The following MARK4 variants were observed in gnomAD, a reference collection of about 807,000 sequenced individuals.
MARK4 encodes the protein microtubule affinity regulating kinase 4.
MARK4 carries 19 observed loss-of-function variants against 81.5 expected under a neutral mutation model. The observed-to-expected ratio is 0.23, with a 90% confidence interval of 0.16 to 0.34. The LOEUF is 0.34. MARK4 is among the 10% of genes least tolerant of loss of function. The probability of loss-of-function intolerance (pLI) is 1.00; values close to 1 mark genes in which losing one functional copy is unlikely to be tolerated. For missense variants in MARK4, 772 were observed against 1,058.8 expected (o/e 0.73, Z 3.76); for synonymous variants, 436 against 439.0 (o/e 0.99, Z 0.08).
At chr19:45,287,775 T>G (rs1320968352) in intron 13 of MARK4, 111 bp downstream of exon 13, 1 of 1,208,422 alleles carries the variant, frequency 8.3e-7, no homozygotes, top group Non-Finnish European at 1.2e-6. Flanking sequence ...CAACTCCTTC[T>G]TCTACCCATT....
chr19:45,259,400 C>T (rs545701085), intron 2 of MARK4, among the ~76,000 whole-genome samples: 8 of 152,226 alleles, frequency 5.3e-5, no homozygotes, highest in South Asian at 2.1e-4. Context: ...CTGAAATTGC[C>T]GGGAAATCTC....
At chr19:45,274,506 C>A (rs1970573814) in intron 8 of MARK4, among the ~76,000 whole-genome samples, 1 of 152,074 alleles carries the variant, frequency 6.6e-6, no homozygotes, top group Non-Finnish European at 1.5e-5. Context: ...TGGCATGCGC[C>A]TGTAATCCCT....
chr19:45,302,691 C>T lies in MARK4; in HGVS notation c.2240C>T (p.Ser747Phe). The T allele has an allele frequency of 6.5e-7, 1 of 1,536,468 alleles. No individual in the cohort carries two copies. Among genetic ancestry groups the T allele is most frequent in the Non-Finnish European group, 8.7e-7 (1 of 1,146,938 alleles). The stretch of plus-strand genomic sequence containing the variant: ...TTCCGCACCCTCGTCACCCGCATCT[C>T]CAACGACCTCGAGCTCTGAGCCACC... ...LAFRTLVTRI[S>F]NDLEL is the part of the protein sequence containing the mutation. Residue 747 changes from serine (S) to phenylalanine (F), a missense_variant, in exon 17 of 17, where the codon TCC becomes TTC. Ser to Phe is a radical substitution (Grantham distance 155). Coordinates refer to ENST00000262891, the MANE Select transcript of MARK4 (RefSeq NM_001199867.2). The surrounding 1 kb of genome is among the most constrained non-coding windows in gnomAD (Gnocchi z 4.9).
chr19:45,289,385 CAA>C (rs35129419), intron 13 of MARK4, among the ~76,000 whole-genome samples: 10 of 51,522 alleles, frequency 1.9e-4, no homozygotes, highest in East Asian at 1.2e-3. Flanking sequence ...GACTCTGTTT[CAA>C]AAAAAAAAAA....
chr19:45,254,188 T>C (rs913355677), intron 1 of MARK4, among the ~76,000 whole-genome samples: 3 of 152,212 alleles, frequency 2.0e-5, no homozygotes, highest in Middle Eastern at 3.4e-3. Flanking sequence ...CTAGCAACAG[T>C]CCCGGGTGTT....
chr19:45,297,942 A>G lies in MARK4; in HGVS notation c.1865A>G (p.Lys622Arg). 17 of 1,550,658 alleles carry G rather than the reference A, an allele frequency of 1.1e-5. No homozygotes were observed. The highest frequency in any genetic ancestry group is 1.5e-5 in the Non-Finnish European group (17 of 1,146,698). ...AACCTCTTCACCAAGCTGACCTCCA[A>G]ACTGACCCGAAGGTGAGCTCCGCGG... is the stretch of plus-strand genomic sequence containing the variant. ...TTNLFTKLTS[K>R]LTRRVADEPE... The change falls in exon 15 of 17, where the codon AAA becomes AGA. Residue 622 changes from lysine to arginine, a missense_variant. Lys to Arg is a conservative substitution (Grantham distance 26). Transcript: ENST00000262891.
At chr19:45,269,893 GC>G (rs1970503013) in intron 7 of MARK4, among the ~76,000 whole-genome samples, 1 of 151,964 alleles carries the variant, frequency 6.6e-6, no homozygotes, top group East Asian at 1.9e-4. Context: ...TCGCTGTGTT[GC>G]CCAGGCTGGA....
At position 45,270,118 on chromosome 19, in the gene MARK4, G is replaced by T. The variant is rs116162853; in HGVS notation, c.550-1354G>T. ...GCTGAGATTACAGGCGTGAGCTACC[G>T]CGCCCGGCCATGAAATGTTTACTGA... On this transcript the variant is annotated intron_variant, in intron 7 of 16. Transcript: ENST00000262891. 6.5e-3 allele frequency among the ~76,000 whole-genome samples: 992 copies of T among 152,162 alleles called. 19 individuals carry two copies. Among genetic ancestry groups the T allele is most frequent in the African/African-American group, 0.023 (935 of 41,500 alleles).
Position 45,263,121 on chromosome 19 carries a change from C to T in MARK4, c.261C>T (p.Ile87=), listed in dbSNP as rs1396676671. The part of the protein sequence containing the change: ...RHILTGREVA[I]KIIDKTQLNP... The stretch of plus-strand genomic sequence containing the variant: ...CTTTCCTCCCCCTCTAGGTTGCCAT[C>T]AAGATTATCGACAAAACCCAGCTGA... Residue 87 remains isoleucine (I), a synonymous_variant, in exon 3 of 17, where the codon ATC becomes ATT. Coordinates refer to ENST00000262891, the MANE Select transcript of MARK4 (RefSeq NM_001199867.2). The T allele has an allele frequency of 6.2e-7, 1 of 1,606,598 alleles. No homozygotes were observed. The highest frequency in any genetic ancestry group is 8.5e-7 in the Non-Finnish European group (1 of 1,176,236).
chr19:45,288,734 C>T (rs1354732998), intron 13 of MARK4, among the ~76,000 whole-genome samples: 2 of 151,416 alleles, frequency 1.3e-5, no homozygotes. Context: ...CCTGTAGTCC[C>T]AGCTACTCTG....
intron 14 of MARK4, among the ~76,000 whole-genome samples, chr19:45,295,621 A>T (rs1356358942): frequency 1.3e-5 from 2 of 152,166 alleles, no homozygotes; most frequent in Non-Finnish European, 2.9e-5. Flanking sequence ...CTAAAAATAC[A>T]AAAATTAGCC....
intron 13 of MARK4, chr19:45,288,129 G>A (rs1213857260): frequency 2.9e-5 from 5 of 173,462 alleles, no homozygotes; most frequent in Admixed American, 5.9e-5. Context: ...TCGAAAGACC[G>A]AGGTGGGAGA....
intron 7 of MARK4, among the ~76,000 whole-genome samples, chr19:45,269,607 G>A (rs767213295): frequency 6.6e-6 from 1 of 152,152 alleles, no homozygotes; most frequent in Non-Finnish European, 1.5e-5. Flanking sequence ...TGGGCCAGAC[G>A]CGGGTGACAT....
intron 13 of MARK4, chr19:45,288,357 T>A (rs1970774665): frequency 6.6e-6 from 1 of 151,010 alleles, no homozygotes; most frequent in Non-Finnish European, 1.5e-5. Flanking sequence ...ATTTGAGACC[T>A]GCCTGGCCAA....
intron 11 of MARK4, 39 bp downstream of exon 11, chr19:45,280,522 C>T (rs780829771): frequency 6.6e-5 from 106 of 1,613,556 alleles, no homozygotes; most frequent in Non-Finnish European, 8.6e-5. Context: ...CGCGTGATGC[C>T]TGGGTGGAGG....
chr19:45,281,156 G>C (rs909612268), intron 12 of MARK4, among the ~76,000 whole-genome samples: 2 of 151,648 alleles, frequency 1.3e-5, no homozygotes, highest in South Asian at 4.2e-4. Context: ...AGGTTCAAGC[G>C]ATTCTTCTGC....
Position 45,251,361 on chromosome 19 carries a change from C to G in MARK4, c.-228C>G, listed in dbSNP as rs1970236507. 1 of 177,386 alleles carries G rather than the reference C, an allele frequency of 5.6e-6. No homozygotes were observed. The highest frequency in any genetic ancestry group is 2.4e-5 in the African/African-American group (1 of 41,362). The allele number at this position is 177,386 out of a possible 1,614,324, so 11.0% of individuals were successfully genotyped here. A position where few individuals can be genotyped will look rare whatever the true frequency, so the allele number is the denominator to read the frequency against. ...CGGCCCCCGCCCGCCCGCCTGCCCG[C>G]CGCCCCCATGGCGCCCGGGGTCCCC... On this transcript the variant is annotated 5_prime_UTR_variant, in exon 1 of 17. Coordinates refer to ENST00000262891, the MANE Select transcript of MARK4 (RefSeq NM_001199867.2).
In MARK4 at chr19:45,303,454, C is replaced by A. The variant is rs1419254654; in HGVS notation, c.*744C>A. The A allele has an allele frequency of 1.3e-5, 2 of 152,086 alleles. No individual in the cohort carries two copies. The highest frequency in any genetic ancestry group is 2.9e-5 in the Non-Finnish European group (2 of 68,042). The allele number at this position is 152,086 out of a possible 1,614,324, so 9.4% of individuals were successfully genotyped here. A position where few individuals can be genotyped will look rare whatever the true frequency, so the allele number is the denominator to read the frequency against. ...CGTGGGAATCCAGGCAGTGGTTTTT[C>A]CTTTCGGAGCCTCGGTTTTCTCATC... is the stretch of plus-strand genomic sequence containing the variant. On this transcript the variant is annotated 3_prime_UTR_variant, in exon 17 of 17. Coordinates refer to ENST00000262891, the MANE Select transcript of MARK4 (RefSeq NM_001199867.2).
Position 45,271,445 on chromosome 19 carries a change from T to C in MARK4, c.550-27T>C. The C allele has an allele frequency of 6.2e-7, 1 of 1,608,688 alleles. No homozygotes were observed. Among genetic ancestry groups the C allele is most frequent in the Non-Finnish European group, 8.5e-7 (1 of 1,176,246 alleles). On this transcript the variant is annotated intron_variant, in intron 7 of 16. Transcript: ENST00000262891. The surrounding 1 kb of genome is among the most constrained non-coding windows in gnomAD (Gnocchi z 4.1). ...AAAGGCTTTGGCCTTGAGTCCCACT[T>C]TCCGCCCTCTCCTTCTCTCCCTGCA... is the stretch of plus-strand genomic sequence containing the variant.
Sources: allele counts gnomAD v4.1 joint callset (sites outside exome capture counted in the v4.1 genomes callset), GRCh38; gene constraint gnomAD v4.1.1; non-coding constraint Gnocchi (gnomAD v3.1); transcripts MANE v1.5; gene names NCBI Gene and HGNC (gene_info 2026-07-23, HGNC 2026-07-21).